STXBP4: variants seen among roughly 807,000 people sequenced by gnomAD.
STXBP4 encodes syntaxin binding protein 4, also known as syntaxin-binding protein 4.
STXBP4 carries 55 observed loss-of-function variants against 76.1 expected under a neutral mutation model. The ratio of observed to expected loss-of-function variants is 0.72; its 90% CI spans 0.58 to 0.91. The LOEUF (loss-of-function observed/expected upper bound fraction) is 0.91. Among genes scored for constraint, STXBP4 ranks in the 40% least tolerant of loss-of-function variants. The pLI, the probability that STXBP4 is intolerant of heterozygous loss-of-function variation, is 0.00. For synonymous variants in STXBP4, 201 were observed against 220.2 expected (o/e 0.91, Z 0.77); for missense variants, 618 against 636.9 (o/e 0.97, Z 0.32).
chr17:54,980,862 T>C (rs2077540761), intron 1 of STXBP4, among the ~76,000 whole-genome samples: 1 of 152,224 alleles, frequency 6.6e-6, no homozygotes, highest in African/African-American at 2.4e-5. Context: ...ATGGGCTGCA[T>C]GTGGCCCAGG....
chr17:54,982,672 C>T (rs9891865), intron 1 of STXBP4, among the ~76,000 whole-genome samples: 42,506 of 150,970 alleles, frequency 0.28, 6,230 homozygotes, highest in African/African-American at 0.35. Context: ...TCCCTGTTGG[C>T]TGAGGGCCTT....
chr17:55,073,062 T>G lies in STXBP4; in HGVS notation c.1174T>G (p.Ser392Ala). The change falls in exon 13 of 18, where the codon TCT becomes GCT. Residue 392 changes from serine to alanine, a missense_variant. By Grantham distance (99) the Ser-to-Ala change is moderately conservative. Transcript: ENST00000376352. ...GCTAAAGGCTCAGCTTGCTGATTAT[T>G]CTGACCAAAATAAAGTAAGCAAAGC... ...TELKAQLADY[S>A]DQNKESVQDL... 6.2e-7 allele frequency: 1 copy of G among 1,613,670 alleles called. No homozygotes were observed. Among genetic ancestry groups the G allele is most frequent in the African/African-American group, 1.3e-5 (1 of 75,028 alleles).
At chr17:55,152,036 T>G (rs1455837415) in intron 17 of STXBP4, among the ~76,000 whole-genome samples, 1 of 152,224 alleles carries the variant, frequency 6.6e-6, no homozygotes, top group Non-Finnish European at 1.5e-5. Context: ...AATGATCAAT[T>G]TATTTATGCA....
At position 55,173,105 on chromosome 17, in the gene STXBP4, A is replaced by G. The variant is rs1355396866; in HGVS notation, c.*13194A>G. 1 of 152,234 alleles carries G rather than the reference A, an allele frequency of 6.6e-6. No individual in the cohort carries two copies. Among genetic ancestry groups the G allele is most frequent in the East Asian group, 1.9e-4 (1 of 5,200 alleles). 9.4% of individuals were successfully genotyped at this position (152,234 alleles called of 1,614,324 possible). ...TTCTCTAGGATTGGAAATTCCCAGAAAGCTGTGTCAGCAATGAGATTTGTT... is the reference window on the plus strand; with the variant it reads ...TTCTCTAGGATTGGAAATTCCCAGAGAGCTGTGTCAGCAATGAGATTTGTT... On this transcript the variant is annotated 3_prime_UTR_variant, in exon 18 of 18. Transcript: ENST00000376352.
chr17:55,151,213 G>C (rs1410057527), intron 17 of STXBP4, among the ~76,000 whole-genome samples: 1 of 152,130 alleles, frequency 6.6e-6, no homozygotes, highest in Non-Finnish European at 1.5e-5. Flanking sequence ...TACTGCAGTA[G>C]CAAATGATTA....
chr17:55,147,102 A>G (rs547969744), intron 17 of STXBP4, among the ~76,000 whole-genome samples: 1 of 152,330 alleles, frequency 6.6e-6, no homozygotes, highest in African/African-American at 2.4e-5. Context: ...GTTTCATATG[A>G]CTTATATAAA....
intron 1 of STXBP4, among the ~76,000 whole-genome samples, chr17:54,976,053 A>G (rs1210750230): frequency 1.3e-5 from 2 of 152,168 alleles, no homozygotes; most frequent in African/African-American, 4.8e-5. Flanking sequence ...CCAAAAGAGC[A>G]ATGATCTTGA....
intron 8 of STXBP4, among the ~76,000 whole-genome samples, chr17:55,018,998 CTACAAAAATACTTGGCTCA>C (rs1313879926): frequency 3.3e-5 from 5 of 152,062 alleles, no homozygotes; most frequent in African/African-American, 1.2e-4. Context: ...TTTTCAGCTC[CTACAAAAATACTTGGCTCA>C]TAGTATATGC....
intron 16 of STXBP4, among the ~76,000 whole-genome samples, chr17:55,084,328 G>C (rs2079295724): frequency 6.6e-6 from 1 of 152,102 alleles, no homozygotes; most frequent in Non-Finnish European, 1.5e-5. Flanking sequence ...TGATGGGGTT[G>C]TTTGCTTTTT....
intron 16 of STXBP4, among the ~76,000 whole-genome samples, chr17:55,097,486 A>T (rs1429546508): frequency 1.3e-5 from 2 of 152,066 alleles, no homozygotes; most frequent in Non-Finnish European, 2.9e-5. Flanking sequence ...ACACGGTGAA[A>T]CCCCGTCTCT....
intron 12 of STXBP4, among the ~76,000 whole-genome samples, chr17:55,052,885 T>TAAAA (rs57404823): frequency 9.6e-6 from 1 of 104,030 alleles, no homozygotes; most frequent in Non-Finnish European, 1.9e-5. Flanking sequence ...AAGTTTTGTT[T>TAAAA]AAAAAAAAAA....
intron 9 of STXBP4, among the ~76,000 whole-genome samples, chr17:55,032,593 A>C (rs145697610): frequency 8.5e-5 from 13 of 152,312 alleles, no homozygotes; most frequent in African/African-American, 3.1e-4. Context: ...AGAATTATGC[A>C]TGCTCTTCTC....
intron 16 of STXBP4, among the ~76,000 whole-genome samples, chr17:55,104,756 C>T (rs1457523314): frequency 6.6e-6 from 1 of 152,066 alleles, no homozygotes; most frequent in Non-Finnish European, 1.5e-5. Context: ...CTGTCTGGTT[C>T]TGGGCTTTTT....
chr17:55,029,588 A>C (rs2078471512), intron 8 of STXBP4, among the ~76,000 whole-genome samples: 1 of 151,258 alleles, frequency 6.6e-6, no homozygotes, highest in African/African-American at 2.4e-5. Flanking sequence ...TATACAATGC[A>C]AATACTTGAC....
rs921580394 is a variant in STXBP4, at chr17:55,073,086, G to T, written c.1188+10G>T. 7.4e-6 allele frequency: 12 copies of T among 1,611,646 alleles called. No homozygotes were observed. The highest frequency in any genetic ancestry group is 1.0e-5 in the Non-Finnish European group (12 of 1,179,146). On this transcript the variant is annotated intron_variant, in intron 13 of 17. Coordinates refer to ENST00000376352, the MANE Select transcript of STXBP4 (RefSeq NM_178509.6). ...TTCTGACCAAAATAAAGTAAGCAAA[G>T]CAGTCATCTCTTCCAGTTACCATGG...
chr17:55,055,401 C>G (rs1489332413), intron 12 of STXBP4, among the ~76,000 whole-genome samples: 1 of 152,276 alleles, frequency 6.6e-6, no homozygotes, highest in East Asian at 1.9e-4. Flanking sequence ...TTTTAGAAAT[C>G]ACAGAATTTT....
At chr17:55,069,677 C>A (rs539322112) in intron 12 of STXBP4, among the ~76,000 whole-genome samples, 1 of 152,256 alleles carries the variant, frequency 6.6e-6, no homozygotes, top group African/African-American at 2.4e-5. Context: ...AAAGAAATAG[C>A]ATGAATTTAT....
At chr17:55,184,429 A>G in the STXBP4 span, among the ~76,000 whole-genome samples, 3 of 152,356 alleles carry the variant, frequency 2.0e-5, no homozygotes, top group East Asian at 5.8e-4. Flanking sequence ...ACACAGGAGA[A>G]ATAGAACTTT....
chr17:54,988,107 T>C (rs1229959664), intron 3 of STXBP4, among the ~76,000 whole-genome samples: 1 of 152,186 alleles, frequency 6.6e-6, no homozygotes, highest in Non-Finnish European at 1.5e-5. Context: ...TTCAACAACA[T>C]AGACATTGCT....
Sources: gnomAD v4.1 joint callset for allele counts (sites outside exome capture counted in the v4.1 genomes callset) on GRCh38, gnomAD v4.1.1 for gene constraint, MANE v1.5 for transcripts, NCBI Gene and HGNC (gene_info 2026-07-23, HGNC 2026-07-21) for gene names.